The following GALK2 variants were observed in gnomAD, a reference collection of about 807,000 sequenced individuals.
GALK2 encodes the protein galactokinase 2.
In GALK2, 36 loss-of-function variants were observed where a neutral mutation model predicts 52.4. The observed-to-expected ratio is 0.69, with a 90% CI of 0.53 to 0.91. The LOEUF is 0.91. Among genes scored for constraint, GALK2 ranks in the 40% least tolerant of loss-of-function variants. The pLI is 0.00. For missense variants in GALK2, 579 were observed against 559.1 expected (o/e 1.04, Z -0.36); for synonymous variants, 176 against 199.1 (o/e 0.88, Z 0.98).
At chr15:49,299,735 T>TTTCTTTTCTTTTCTTTC (rs1347140534) in intron 8 of GALK2, among the ~76,000 whole-genome samples, 1 of 77,530 alleles carries the variant, frequency 1.3e-5, no homozygotes, top group Non-Finnish European at 2.6e-5. Context: ...TCTTTCTTTC[T>TTTCTTTTCTTTTCTTTC]TTTCTTTCTT....
At chr15:49,346,149 C>T (rs2041469858) in intron 3 of GALK2, among the ~76,000 whole-genome samples, 1 of 151,526 alleles carries the variant, frequency 6.6e-6, no homozygotes, top group African/African-American at 2.4e-5. Context: ...ATCCATAGTT[C>T]ACCAAAACAA....
At chr15:49,194,441 A>G (rs552752586) in intron 1 of GALK2, among the ~76,000 whole-genome samples, 11 of 152,166 alleles carry the variant, frequency 7.2e-5, no homozygotes, top group Admixed American at 2.6e-4. Context: ...CTGCTAGTCT[A>G]TTTATGCACT....
At chr15:49,317,398 G>T (rs1011360501) in intron 8 of GALK2, among the ~76,000 whole-genome samples, 2 of 151,192 alleles carry the variant, frequency 1.3e-5, no homozygotes, top group Non-Finnish European at 3.0e-5. Context: ...TTATTAAAAA[G>T]TCAGGAAGCA....
chr15:49,262,099 G>T (rs915726836), intron 5 of GALK2, among the ~76,000 whole-genome samples: 1 of 152,142 alleles, frequency 6.6e-6, no homozygotes, highest in Non-Finnish European at 1.5e-5. Context: ...AGTTAGGGAG[G>T]ATTCCCTCTT....
rs980100990 is a variant in GALK2, at chr15:49,319,617, A to T, written c.981A>T (p.Lys327Asn). The stretch of plus-strand genomic sequence containing the variant: ...TTCCTTCCTCAGTGCTCATCTTCAA[A>T]CTCTATCAGCGGGCAAAGCATGTGT... ...SPNTQDVLIF[K>N]LYQRAKHVYS... Residue 327 changes from lysine to asparagine, a missense_variant, in exon 9 of 10, where the codon AAA becomes AAT. By Grantham distance (94) the Lys-to-Asn change is moderately conservative (BLOSUM62 0). Transcript: ENST00000560031. 1.2e-6 allele frequency: 2 copies of T among 1,613,966 alleles called. No homozygotes were observed. The highest frequency in any genetic ancestry group is 1.3e-5 in the African/African-American group (1 of 74,886).
rs573048020 is a variant in GALK2, at chr15:49,366,752, C to T, written c.427-739C>T. On this transcript the variant is annotated intron_variant, in intron 3 of 3. Transcript: ENST00000558399. ...TAGGTGGGGTAGGCTGGGAGTCCCG[C>T]CACTGCGCTGCCTCCGTGGCGGGGG... 214 of 791,676 alleles carry T rather than the reference C, an allele frequency of 2.7e-4. No homozygotes were observed. In the African/African-American group the frequency reaches 3.4e-3, roughly 13 times the overall value. 49.0% of individuals were successfully genotyped at this position (791,676 alleles called of 1,614,324 possible).
At chr15:49,227,504 C>A (rs548246871) in intron 3 of GALK2, among the ~76,000 whole-genome samples, 1 of 151,532 alleles carries the variant, frequency 6.6e-6, no homozygotes, top group South Asian at 2.1e-4. Flanking sequence ...CTCTTACTTT[C>A]AATATATATG....
chr15:49,271,589 A>T (rs2030631671), intron 5 of GALK2, among the ~76,000 whole-genome samples: 1 of 152,198 alleles, frequency 6.6e-6, no homozygotes, highest in South Asian at 2.1e-4. Context: ...TTACTAGCTG[A>T]ATGATCTTGG....
At chr15:49,174,394 G>T (rs2085303616) in intron 1 of GALK2, among the ~76,000 whole-genome samples, 1 of 152,288 alleles carries the variant, frequency 6.6e-6, no homozygotes, top group South Asian at 2.1e-4. Context: ...TGCCCAGGCT[G>T]GAGTGCAGTG....
At chr15:49,342,724 T>C (rs1281100660) in intron 3 of GALK2, among the ~76,000 whole-genome samples, 1 of 152,212 alleles carries the variant, frequency 6.6e-6, no homozygotes, top group African/African-American at 2.4e-5. Flanking sequence ...ACAGGTCTAG[T>C]GGCAATGAAT....
At chr15:49,214,331 A>ATTTTT (rs2089193193) in intron 2 of GALK2, among the ~76,000 whole-genome samples, 1 of 122,606 alleles carries the variant, frequency 8.2e-6, no homozygotes, top group African/African-American at 3.4e-5. Flanking sequence ...TCACTTTGTC[A>ATTTTT]CTTTTTTTTT....
At chr15:49,294,802 G>A (rs1228507544) in intron 8 of GALK2, among the ~76,000 whole-genome samples, 1 of 152,174 alleles carries the variant, frequency 6.6e-6, no homozygotes, top group African/African-American at 2.4e-5. Context: ...CTCAGGTCCT[G>A]TAGATGGTGG....
At chr15:49,366,747 T>C (rs898374559) in intron 3 of GALK2, 1 of 830,240 alleles carries the variant, frequency 1.2e-6, no homozygotes, top group South Asian at 1.6e-5. Flanking sequence ...AGGCTGGGAG[T>C]CCCGCCACTG....
At position 49,282,072 on chromosome 15, in the gene GALK2, CAGA is replaced by C. The variant is rs759148993; in HGVS notation, c.596_598del (p.Glu199del). 42 of 1,610,812 alleles carry C rather than the reference CAGA, an allele frequency of 2.6e-5. No individual in the cohort carries two copies. Among genetic ancestry groups the C allele is most frequent in the Admixed American group, 3.3e-5 (2 of 59,886 alleles). ...ATGGACCAGTCTATATCATTTCTTGCAGAAGAAGGAACTGTAGGTAGCATTCCA... is the reference window on the plus strand; with the variant it reads ...ATGGACCAGTCTATATCATTTCTTGCAGAAGGAACTGTAGGTAGCATTCCA... On this transcript the variant is annotated inframe_deletion, in exon 6 of 10. Coordinates refer to ENST00000560031, the MANE Select transcript of GALK2 (RefSeq NM_002044.4).
rs771577109 is a variant in GALK2, at chr15:49,281,960, AG to A, written c.505-26del. The A allele has an allele frequency of 4.2e-5, 64 of 1,525,662 alleles. No homozygotes were observed. The African/African-American group carries it at 7.4e-4, about 18-fold the overall frequency. 94.5% of individuals were successfully genotyped at this position (1,525,662 alleles called of 1,614,324 possible). ...TGAGAAATGGGTTATGACTACTCAC[AG>A]TACAAATCAGTTTTTACCTTTCCAG... is the stretch of plus-strand genomic sequence containing the variant. On this transcript the variant is annotated intron_variant, in intron 5 of 9. Coordinates refer to ENST00000560031, the MANE Select transcript of GALK2 (RefSeq NM_002044.4).
chr15:49,363,678 G>GA (rs1475323484), intron 3 of GALK2, among the ~76,000 whole-genome samples: 2 of 152,170 alleles, frequency 1.3e-5, no homozygotes, highest in African/African-American at 4.8e-5. Flanking sequence ...GGAGTGTTGA[G>GA]AGTGGGTATC....
intron 1 of GALK2, among the ~76,000 whole-genome samples, chr15:49,176,733 G>A (rs1037742917): frequency 9.2e-5 from 14 of 152,016 alleles, no homozygotes; most frequent in African/African-American, 2.2e-4. Flanking sequence ...TAAATTTACC[G>A]ACATTTTATT....
At chr15:49,318,242 A>G (rs1255076958) in intron 8 of GALK2, 3 of 152,204 alleles carry the variant, frequency 2.0e-5, no homozygotes, top group African/African-American at 7.2e-5. Context: ...CATTATAGAC[A>G]TAGCCATTGC....
rs2033004128 is a variant in GALK2 at position 49,283,617 on chromosome 15, A to G, written c.655A>G (p.Ser219Gly). ...GAGGGCAACCGATGTAAAACTCCCA[A>G]GTGGAGCAGTGTTTGTGATTGCCAA... ...PLRATDVKLP[S>G]GAVFVIANSC... Residue 219 changes from serine to glycine, a missense_variant, in exon 7 of 10, where the codon AGT (serine) becomes GGT (glycine). Coordinates refer to ENST00000560031, the MANE Select transcript of GALK2 (RefSeq NM_002044.4). The G allele has an allele frequency of 5.0e-6, 8 of 1,613,934 alleles. 1 individual carries two copies. The African/African-American group carries it at 9.3e-5, about 19-fold the overall frequency.
Sources: gnomAD v4.1 joint callset for allele counts (sites outside exome capture counted in the v4.1 genomes callset) on GRCh38, gnomAD v4.1.1 for gene constraint, MANE v1.5 for transcripts, NCBI Gene and HGNC (gene_info 2026-07-23, HGNC 2026-07-21) for gene names.